AMER3: variants seen among roughly 807,000 people sequenced by gnomAD.
AMER3 encodes the protein family with sequence similarity 123C.
For missense variants in AMER3, 1,201 were observed against 1,139.4 expected (o/e 1.05, Z -0.78); for synonymous variants, 541 against 485.5 (o/e 1.11, Z -1.50).
In AMER3 at chr2:130,762,849, G is replaced by A. The variant is rs1211685949; in HGVS notation, c.777G>A (p.Ser259=). 1.1e-5 allele frequency: 18 copies of A among 1,613,332 alleles called. No homozygotes were observed. Among genetic ancestry groups the A allele is most frequent in the Admixed American group, 3.3e-5 (2 of 60,006 alleles). The change falls in exon 2 of 2, where the codon TCG becomes TCA. Residue 259 remains serine (S), a synonymous_variant. Coordinates refer to ENST00000321420, the MANE Select transcript of AMER3 (RefSeq NM_152698.3). The part of the protein sequence containing the change: ...GCGEVFADES[S]VPSLELNEGP... Reference sequence around the variant, plus strand: ...GGGAGGTGTTCGCAGATGAGAGCTCGGTGCCATCTCTGGAGCTGAACGAGG... The same window carrying A: ...GGGAGGTGTTCGCAGATGAGAGCTCAGTGCCATCTCTGGAGCTGAACGAGG...
rs1463805590 is a variant in AMER3 at position 130,767,287 on chromosome 2, C to G, written c.*2629C>G. 6.0e-6 allele frequency: 1 copy of G among 167,412 alleles called. No individual in the cohort carries two copies. The highest frequency in any genetic ancestry group is 1.5e-5 in the Non-Finnish European group (1 of 68,388). 10.4% of individuals were successfully genotyped at this position (167,412 alleles called of 1,614,324 possible). On this transcript the variant is annotated 3_prime_UTR_variant, in exon 2 of 2. Coordinates refer to ENST00000321420, the MANE Select transcript of AMER3 (RefSeq NM_152698.3). ...AGCAAGATGCCAGGATTGGGCTCCA[C>G]AGGCAGCCATGAAATGGGTTTCTGG... is the stretch of plus-strand genomic sequence containing the variant.
chr2:130,757,200 C>T (rs1678636470), intron 1 of AMER3, among the ~76,000 whole-genome samples: 2 of 152,118 alleles, frequency 1.3e-5, no homozygotes, highest in African/African-American at 4.8e-5. Context: ...AAAGAAAAAG[C>T]TGGGCAGCTA....
intron 1 of AMER3, among the ~76,000 whole-genome samples, chr2:130,761,265 T>C (rs1678774226): frequency 6.6e-6 from 1 of 152,214 alleles, no homozygotes; most frequent in South Asian, 2.1e-4. Flanking sequence ...TCCACCTCCA[T>C]GCCCAGGGCA....
chr2:130,764,830 G>A lies in AMER3; in HGVS notation c.*172G>A. On this transcript the variant is annotated 3_prime_UTR_variant, in exon 2 of 2. Coordinates refer to ENST00000321420, the MANE Select transcript of AMER3 (RefSeq NM_152698.3). ...TGTTCATGTGGAGGCATCCTTGCCT[G>A]AACCCACCAGCTCAGGCAGCCCACC... 1.2e-6 allele frequency: 1 copy of A among 847,382 alleles called. No homozygotes were observed. Among genetic ancestry groups the A allele is most frequent in the Non-Finnish European group, 1.8e-6 (1 of 553,786 alleles). The allele number at this position is 847,382 out of a possible 1,614,324, so 52.5% of individuals were successfully genotyped here. A position where few individuals can be genotyped will look rare whatever the true frequency, so the allele number is the denominator to read the frequency against.
chr2:130,758,020 G>A (rs916042528), intron 1 of AMER3, among the ~76,000 whole-genome samples: 2 of 152,290 alleles, frequency 1.3e-5, no homozygotes, highest in East Asian at 3.9e-4. Flanking sequence ...TGTAGTCCCA[G>A]CTACTCAGGA....
rs1678834670 is a variant in AMER3 at position 130,762,781 on chromosome 2, G to A, written c.709G>A (p.Asp237Asn). 1 of 1,611,192 alleles carries A rather than the reference G, an allele frequency of 6.2e-7. No homozygotes were observed. The highest frequency in any genetic ancestry group is 1.3e-5 in the African/African-American group (1 of 74,896). The change falls in exon 2 of 2, where the codon GAC becomes AAC. Residue 237 changes from aspartate (D) to asparagine (N), a missense_variant. Physicochemically the swap from Asp to Asn is conservative, Grantham distance 23. Transcript: ENST00000321420. ...TGGTCTCTGCAGGGCCCTGTGTGAGGACGTGGCCTCACTCCAGAGCTTCGA... is the reference window on the plus strand; with the variant it reads ...TGGTCTCTGCAGGGCCCTGTGTGAGAACGTGGCCTCACTCCAGAGCTTCGA... ...SFGLCRALCE[D>N]VASLQSFDSL...
Position 130,763,209 on chromosome 2 carries a change from C to A in AMER3, c.1137C>A (p.Ser379=), listed in dbSNP as rs369215574. ...TGTPKSEQPE[S]VSTSDEGYYD... The stretch of plus-strand genomic sequence containing the variant: ...CCCCCAAGAGCGAGCAGCCCGAATC[C>A]GTGTCCACAAGTGACGAGGGCTACT... Residue 379 remains serine, a synonymous_variant, in exon 2 of 2, where the codon TCC becomes TCA. Coordinates refer to ENST00000321420, the MANE Select transcript of AMER3 (RefSeq NM_152698.3). 1 of 1,613,824 alleles carries A rather than the reference C, an allele frequency of 6.2e-7. No individual in the cohort carries two copies.
Position 130,763,225 on chromosome 2 carries a change from G to GT in AMER3, c.1153_1154insT (p.Glu385ValfsTer5). The GT allele has an allele frequency of 1.9e-6, 3 of 1,613,842 alleles. No homozygotes were observed. Among genetic ancestry groups the GT allele is most frequent in the Non-Finnish European group, 1.7e-6 (2 of 1,180,022 alleles). On this transcript the variant is annotated frameshift_variant, in exon 2 of 2. Transcript: ENST00000321420. LOFTEE classifies it low-confidence loss of function (END_TRUNC). ...GCCCGAATCCGTGTCCACAAGTGACGAGGGCTACTATGATTCCTTCTCGCC... is the reference window on the plus strand; with the variant it reads ...GCCCGAATCCGTGTCCACAAGTGACGTAGGGCTACTATGATTCCTTCTCGCC...
At position 130,758,376 on chromosome 2, in the gene AMER3, A is replaced by AAG. The variant is rs373704213; in HGVS notation, c.-20+2716_-20+2717dup. Among the ~76,000 whole-genome samples the AAG allele has an allele frequency of 1.4e-3, 213 of 149,380 alleles. 3 individuals are homozygous for AAG. The highest frequency in any genetic ancestry group is 2.7e-3 in the African/African-American group (108 of 40,560). On this transcript the variant is annotated intron_variant, in intron 1 of 1. Coordinates refer to ENST00000321420, the MANE Select transcript of AMER3 (RefSeq NM_152698.3). ...GAGAAAAGAAAGAAGGAAAGAAGGAAAGAGAGAGAGAGAGAAAGGAAAGGA... is the reference window on the plus strand; with the variant it reads ...GAGAAAAGAAAGAAGGAAAGAAGGAAAGAGAGAGAGAGAGAGAAAGGAAAGGA...
intron 1 of AMER3, among the ~76,000 whole-genome samples, chr2:130,756,991 C>A (rs751698988): frequency 7.2e-5 from 11 of 152,150 alleles, no homozygotes; most frequent in Non-Finnish European, 2.9e-5. Flanking sequence ...CTTTGTATCA[C>A]ACTGCTGTGA....
chr2:130,759,615 A>G (rs1345458751), intron 1 of AMER3, among the ~76,000 whole-genome samples: 1 of 152,178 alleles, frequency 6.6e-6, no homozygotes, highest in Non-Finnish European at 1.5e-5. Flanking sequence ...TGTGTGAGCT[A>G]CCCTTCTTGC....
Position 130,762,990 on chromosome 2 carries a change from C to T in AMER3, c.918C>T (p.Phe306=). The T allele has an allele frequency of 1.2e-6, 2 of 1,613,342 alleles. No individual in the cohort carries two copies. The highest frequency in any genetic ancestry group is 1.1e-5 in the South Asian group (1 of 91,078). ...ASPAQNEASD[F]TRFWDSVNRS... ...CCGCCCAGAATGAAGCCTCTGACTT[C>T]ACCAGGTTCTGGGACAGTGTGAATC... is the stretch of plus-strand genomic sequence containing the variant. The change falls in exon 2 of 2, where the codon TTC becomes TTT. Residue 306 remains phenylalanine, a synonymous_variant. Transcript: ENST00000321420.
At chr2:130,755,830 G>C (rs944071178) in intron 1 of AMER3, 156 bp downstream of exon 1, 4 of 152,350 alleles carry the variant, frequency 2.6e-5, no homozygotes, top group Non-Finnish European at 5.9e-5. Flanking sequence ...GAGGCTCCGG[G>C]TGGCCGAGCC....
chr2:130,760,613 C>T (rs1316707988), intron 1 of AMER3, among the ~76,000 whole-genome samples: 1 of 152,158 alleles, frequency 6.6e-6, no homozygotes, highest in East Asian at 1.9e-4. Context: ...CCTGGCCAGA[C>T]TGACAGAGTA....
At chr2:130,756,183 C>A (rs1343542707) in intron 1 of AMER3, 1 of 147,906 alleles carries the variant, frequency 6.8e-6, no homozygotes, top group Admixed American at 6.7e-5. Flanking sequence ...TCCCGCTGGC[C>A]TCTGGCGGCT....
Position 130,764,276 on chromosome 2 carries a change from C to A in AMER3, c.2204C>A (p.Pro735His), listed in dbSNP as rs543793010. 1.2e-6 allele frequency: 2 copies of A among 1,609,194 alleles called. No individual in the cohort carries two copies. Among genetic ancestry groups the A allele is most frequent in the African/African-American group, 1.3e-5 (1 of 74,898 alleles). ...AGCATGACCACCATCCATGGCCTAC[C>A]CTACTCAGCCAGCACACAGGACCAG... is the stretch of plus-strand genomic sequence containing the variant. ...SPSMTTIHGL[P>H]YSASTQDQRC... Residue 735 changes from proline (P) to histidine (H), a missense_variant, in exon 2 of 2, where the codon CCC (proline) becomes CAC (histidine). Coordinates refer to ENST00000321420, the MANE Select transcript of AMER3 (RefSeq NM_152698.3).
At chr2:130,761,662 A>G (rs1243469080) in intron 1 of AMER3, among the ~76,000 whole-genome samples, 1 of 152,202 alleles carries the variant, frequency 6.6e-6, no homozygotes, top group Non-Finnish European at 1.5e-5. Flanking sequence ...GAAGGAGGCC[A>G]CTGCCCTAAT....
chr2:130,760,503 C>G (rs934360728), intron 1 of AMER3, among the ~76,000 whole-genome samples: 2 of 152,210 alleles, frequency 1.3e-5, no homozygotes, highest in African/African-American at 4.8e-5. Flanking sequence ...CATGTTCATG[C>G]CTGCTGCAGG....
intron 1 of AMER3, among the ~76,000 whole-genome samples, chr2:130,759,800 TG>T (rs2104775172): frequency 6.6e-6 from 1 of 152,336 alleles, no homozygotes; most frequent in African/African-American, 2.4e-5. Context: ...CTGTGTGACT[TG>T]GGTCAGTTCA....
Sources: allele counts gnomAD v4.1 joint callset (sites outside exome capture counted in the v4.1 genomes callset), GRCh38; gene constraint gnomAD v4.1.1; transcripts MANE v1.5; gene names NCBI Gene and HGNC (gene_info 2026-07-23, HGNC 2026-07-21).